UNKL: variants seen among roughly 807,000 people sequenced by gnomAD.
UNKL encodes unk like zinc finger.
In UNKL, 60 loss-of-function variants were observed where a neutral mutation model predicts 78.0. The observed-to-expected ratio is 0.77, with a 90% confidence interval of 0.63 to 0.95. The LOEUF is 0.95. Ranked by LOEUF, UNKL falls within the 40% of genes least tolerant of loss-of-function variation. UNKL has a pLI of 0.00. For missense variants in UNKL, 1,159 were observed against 1,045.7 expected (o/e 1.11, Z -1.49); for synonymous variants, 608 against 474.8 (o/e 1.28, Z -3.65).
intron 2 of UNKL, among the ~76,000 whole-genome samples, chr16:1,405,622 T>G (rs1202377760): frequency 6.6e-6 from 1 of 150,796 alleles, no homozygotes; most frequent in Non-Finnish European, 1.5e-5. Flanking sequence ...AATGCCTTAC[T>G]CTTACGGACA....
At position 1,379,317 on chromosome 16, in the gene UNKL, C is replaced by G. The variant is rs546859155; in HGVS notation, c.1264+5891G>C. 2.6e-4 allele frequency: 72 copies of G among 277,214 alleles called. 1 individual carries two copies. The highest frequency in any genetic ancestry group is 1.6e-3 in the African/African-American group (69 of 43,470). The allele number at this position is 277,214 out of a possible 1,614,324, so 17.2% of individuals were successfully genotyped here. A position where few individuals can be genotyped will look rare whatever the true frequency, so the allele number is the denominator to read the frequency against. ...TCCCCTGCCCTCTCCTGCCCCGCTCCGCTCCGCTCTCCTGCCCCGCTCCCC... is the reference window on the plus strand; with the variant it reads ...TCCCCTGCCCTCTCCTGCCCCGCTCGGCTCCGCTCTCCTGCCCCGCTCCCC... On this transcript the variant is annotated intron_variant, in intron 10 of 14. Coordinates refer to ENST00000389221, the MANE Select transcript of UNKL (RefSeq NM_001372107.1).
At chr16:1,404,799 G>A (rs997842190) in intron 2 of UNKL, among the ~76,000 whole-genome samples, 12 of 152,124 alleles carry the variant, frequency 7.9e-5, no homozygotes, top group African/African-American at 2.9e-4. Context: ...ACGTGACGGG[G>A]TACACGCAGG....
intron 8 of UNKL, 126 bp downstream of exon 8, chr16:1,392,765 G>A (rs888970770): frequency 8.7e-7 from 1 of 1,147,950 alleles, no homozygotes; most frequent in Non-Finnish European, 1.3e-6. Context: ...GACTCTTCTA[G>A]AAGAGCCACG....
intron 13 of UNKL, 106 bp from the exon 14 acceptor site, chr16:1,367,455 T>C: frequency 1.5e-6 from 2 of 1,377,584 alleles, no homozygotes; most frequent in Non-Finnish European, 9.5e-7. Context: ...CAGCATCAGC[T>C]GTGGCCCCCT....
intron 14 of UNKL, among the ~76,000 whole-genome samples, chr16:1,366,750 C>A (rs566834704): frequency 6.6e-6 from 1 of 152,126 alleles, no homozygotes; most frequent in African/African-American, 2.4e-5. Context: ...CCTTAGCAGG[C>A]GAGGTGAGGA....
chr16:1,406,006 C>T (rs763888568), intron 2 of UNKL: 20 of 456,606 alleles, frequency 4.4e-5, no homozygotes, highest in Middle Eastern at 3.2e-4. Context: ...CATGTGGTCC[C>T]CCCAGCTGGT....
chr16:1,398,679 G>GCGGGGCCCC, intron 5 of UNKL: 3 of 1,356,284 alleles, frequency 2.2e-6, no homozygotes, highest in Non-Finnish European at 2.9e-6. Context: ...TGTGGGGTCT[G>GCGGGGCCCC]CACCCCCCCA....
chr16:1,367,143 C>T lies in UNKL; in HGVS notation c.1995G>A (p.Lys665=). ...CGDIGTIPLP[K]LHSLQSQLRL... ...GCAGCTGACTCTGCAGCGAGTGCAG[C>T]TTCGGCAGGGGAATGGTGCCGATGT... Residue 665 remains lysine, a synonymous_variant, in exon 14 of 15, where the codon AAG becomes AAA. Transcript: ENST00000389221. The T allele has an allele frequency of 6.3e-7, 1 of 1,599,778 alleles. No homozygotes were observed. The highest frequency in any genetic ancestry group is 1.1e-5 in the South Asian group (1 of 88,606).
At position 1,366,268 on chromosome 16, in the gene UNKL, T is replaced by C. The variant is rs895057865; in HGVS notation, c.2174A>G (p.Tyr725Cys). ...PCAATAPECP[Y>C]CKGQPLQW Reference sequence around the variant, plus strand: ...CCACTGCAGGGGCTGGCCCTTGCAGTAGGGGCACTCAGGTGCGGTGGCCGC... The same window carrying C: ...CCACTGCAGGGGCTGGCCCTTGCAGCAGGGGCACTCAGGTGCGGTGGCCGC... Residue 725 changes from tyrosine to cysteine, a missense_variant, in exon 15 of 15, where the codon TAC becomes TGC. Transcript: ENST00000389221. The C allele has an allele frequency of 6.3e-7, 1 of 1,588,304 alleles. No individual in the cohort carries two copies. The highest frequency in any genetic ancestry group is 1.1e-5 in the South Asian group (1 of 87,594).
intron 4 of UNKL, chr16:1,401,300 C>T (rs889266992): frequency 5.1e-5 from 19 of 374,382 alleles, no homozygotes; most frequent in Admixed American, 3.6e-4. Flanking sequence ...GCTACCTCCT[C>T]GGCCACTTGG....
chr16:1,367,894 C>A, intron 12 of UNKL, 36 bp from the exon 13 acceptor site: 1 of 1,518,128 alleles, frequency 6.6e-7, no homozygotes, highest in Non-Finnish European at 8.9e-7. Flanking sequence ...CCCAGCCCTG[C>A]TGTGCTCGCG....
At chr16:1,409,218 G>A (rs2037924356) in intron 2 of UNKL, among the ~76,000 whole-genome samples, 1 of 152,172 alleles carries the variant, frequency 6.6e-6, no homozygotes, top group Non-Finnish European at 1.5e-5. Context: ...AGCCAAAATA[G>A]AAATTTTAAA....
chr16:1,401,778 G>C, intron 3 of UNKL, 77 bp from the exon 4 acceptor site: 1 of 1,522,266 alleles, frequency 6.6e-7, no homozygotes, highest in Non-Finnish European at 8.8e-7. Flanking sequence ...TGGAGGGCAC[G>C]CTCCCCTCCC....
rs754063723 is a variant in UNKL, at chr16:1,367,299, A to G, written c.1839T>C (p.Arg613=). The G allele has an allele frequency of 3.9e-6, 6 of 1,557,618 alleles. 1 individual carries two copies. In the South Asian group the frequency reaches 7.1e-5, roughly 18 times the overall value. ...REAQEAKERA[R]VADSDRQLAL... ...CCAGCTGCCGGTCGCTATCGGCCAC[A>G]CGGGCACGCTCCTTGGCCTCCTGCG... Residue 613 remains arginine, a synonymous_variant, in exon 14 of 15, where the codon CGT becomes CGC. Transcript: ENST00000389221.
In UNKL at chr16:1,396,955, G is replaced by A. The variant is rs1267126800; in HGVS notation, c.852+223C>T. The A allele has an allele frequency of 1.6e-5, 9 of 559,762 alleles. No homozygotes were observed. In the East Asian group the frequency reaches 2.8e-4, roughly 17 times the overall value. The allele number at this position is 559,762 out of a possible 1,614,324, so 34.7% of individuals were successfully genotyped here. ...CACATGACTCTTTCTTCTGTTACAG[G>A]CCAAGTGGAGAGACTCGCTGGCTGA... On this transcript the variant is annotated intron_variant, in intron 6 of 14. Transcript: ENST00000389221.
chr16:1,398,775 G>A lies in UNKL; in HGVS notation c.734+599C>T, dbSNP rs1294852483. On this transcript the variant is annotated intron_variant, in intron 5 of 14. Coordinates refer to ENST00000389221, the MANE Select transcript of UNKL (RefSeq NM_001372107.1). ...CCGGGCTGGAGCAAGGAGGAGAAAG[G>A]GGCTTCAGAGGCAAGCAGGCTGCGA... 24 of 1,535,662 alleles carry A rather than the reference G, an allele frequency of 1.6e-5. No homozygotes were observed. The South Asian group carries it at 2.5e-4, about 16-fold the overall frequency.
At chr16:1,386,441 C>A (rs2036815322) in intron 9 of UNKL, among the ~76,000 whole-genome samples, 1 of 152,022 alleles carries the variant, frequency 6.6e-6, no homozygotes, top group South Asian at 2.1e-4. Context: ...GTAATCCCAG[C>A]TACTTGGGAG....
intron 2 of UNKL, among the ~76,000 whole-genome samples, chr16:1,413,078 T>G (rs1252359153): frequency 6.6e-6 from 1 of 151,672 alleles, no homozygotes; most frequent in Non-Finnish European, 1.5e-5. Flanking sequence ...TGAGACCCCA[T>G]CCCTACAAAA....
In UNKL at chr16:1,413,243, C is replaced by CAAAAAA. The variant is rs546295462; in HGVS notation, c.287+597_287+602dup. Among the ~76,000 whole-genome samples, 5 of 71,648 alleles carry CAAAAAA rather than the reference C, an allele frequency of 7.0e-5. 1 individual carries two copies. Among genetic ancestry groups the CAAAAAA allele is most frequent in the Admixed American group, 1.8e-4 (1 of 5,666 alleles). The allele number at this position is 71,648 out of a possible 152,430, so 47.0% of individuals were successfully genotyped here. On this transcript the variant is annotated intron_variant, in intron 2 of 14. Coordinates refer to ENST00000389221, the MANE Select transcript of UNKL (RefSeq NM_001372107.1). ...CCAGCGACAGAGCAAGACCCTGTCTCAAAAAAAAAAAAAAAAAAAAAAAAA... is the reference window on the plus strand; with the variant it reads ...CCAGCGACAGAGCAAGACCCTGTCTCAAAAAAAAAAAAAAAAAAAAAAAAAAAAAAA...
Sources: gnomAD v4.1 joint callset for allele counts (sites outside exome capture counted in the v4.1 genomes callset) on GRCh38, gnomAD v4.1.1 for gene constraint, MANE v1.5 for transcripts, NCBI Gene and HGNC (gene_info 2026-07-23, HGNC 2026-07-21) for gene names.